Variants in GEM observed in about 807,000 individuals in gnomAD.
The protein encoded by GEM is GTP-binding protein GEM.
A neutral mutation model predicts 33.0 loss-of-function variants in GEM; 31 were observed. That is an observed-to-expected ratio of 0.94 (90% CI 0.71 to 1.27). The LOEUF (loss-of-function observed/expected upper bound fraction) is 1.27, where lower values mean the gene tolerates loss of function less well. GEM is among the 50% of genes most tolerant of loss of function. The probability of loss-of-function intolerance (pLI) is 0.00; values close to 1 mark genes in which losing one functional copy is unlikely to be tolerated. For synonymous variants in GEM, 141 were observed against 143.7 expected, an observed-to-expected ratio of 0.98 and a Z score of 0.13; for missense variants, 354 against 390.5, an observed-to-expected ratio of 0.91 and a Z score of 0.79.
At chr8:94,250,855 A>G (rs1808755236) in intron 4 of GEM, among the ~76,000 whole-genome samples, 2 of 152,256 alleles carry the variant, frequency 1.3e-5, no homozygotes, top group East Asian at 3.8e-4. Context: ...GATATTAGTT[A>G]TAACAGTAAA....
At chr8:94,259,483 TAGC>T (rs1808969837) in intron 2 of GEM, among the ~76,000 whole-genome samples, 1 of 152,164 alleles carries the variant, frequency 6.6e-6, no homozygotes, top group South Asian at 2.1e-4. Flanking sequence ...TCATATTACT[TAGC>T]AGAACATAGG....
At chr8:94,251,798 G>A (rs1215375098) in intron 4 of GEM, among the ~76,000 whole-genome samples, 1 of 152,166 alleles carries the variant, frequency 6.6e-6, no homozygotes, top group African/African-American at 2.4e-5. Flanking sequence ...AAAGCGGGAG[G>A]ATTAGTATCC....
chr8:94,255,160 G>C (rs1808860465), intron 2 of GEM, among the ~76,000 whole-genome samples: 1 of 152,076 alleles, frequency 6.6e-6, no homozygotes, highest in Non-Finnish European at 1.5e-5. Context: ...CAGGTACAGG[G>C]GACTCGCTTG....
chr8:94,254,902 T>C (rs1252237482), intron 2 of GEM, among the ~76,000 whole-genome samples: 2 of 152,230 alleles, frequency 1.3e-5, no homozygotes, highest in Non-Finnish European at 2.9e-5. Context: ...TCGCCCATCG[T>C]GTGCCTGCTC....
intron 2 of GEM, 67 bp from the exon 3 acceptor site, chr8:94,253,179 G>T: frequency 1.2e-6 from 1 of 831,448 alleles, no homozygotes; most frequent in Non-Finnish European, 2.1e-6. Context: ...AAGAGGGTCA[G>T]GTAGAAAATT....
Position 94,260,159 on chromosome 8 carries a change from G to A in GEM, c.331+14C>T, listed in dbSNP as rs775753253. On this transcript the variant is annotated intron_variant, in intron 2 of 4. Transcript: ENST00000297596. ...CCCTGGTGGAAAGAAGCCCACTGGG[G>A]CTGGGACACCTACCTCCCAGCACCT... The A allele has an allele frequency of 7.7e-6, 12 of 1,550,308 alleles. No homozygotes were observed. In the African/African-American group the frequency reaches 1.6e-4, roughly 21 times the overall value.
At position 94,260,188 on chromosome 8, in the gene GEM, A is replaced by G. The variant is rs764970254; in HGVS notation, c.316T>C (p.Cys106Arg). The G allele has an allele frequency of 5.3e-5, 84 of 1,588,984 alleles. No individual in the cohort carries two copies. The highest frequency in any genetic ancestry group is 7.2e-5 in the Non-Finnish European group (83 of 1,158,774). The change falls in exon 2 of 5, where the codon TGC (cysteine) becomes CGC (arginine). Residue 106 changes from cysteine to arginine, a missense_variant. Transcript: ENST00000297596. ...AGVHDSMDSD[C>R]EVLGEDTYER... ...GGACACCTACCTCCCAGCACCTCGC[A>G]GTCGCTGTCCATGCTGTCATGCACA...
chr8:94,253,071 C>T lies in GEM; in HGVS notation c.373G>A (p.Ala125Thr), dbSNP rs774736541. The T allele has an allele frequency of 8.6e-5, 138 of 1,600,640 alleles. No individual in the cohort carries two copies. Among genetic ancestry groups the T allele is most frequent in the Middle Eastern group, 3.3e-4 (2 of 6,060 alleles). ...ERTLMVDGES[A>T]TIILLDMWEN... ...CACATATCCAGGAGTATAATCGTTGCACTTTCCCCATCAACCATCAGGGTT... is the reference window on the plus strand; with the variant it reads ...CACATATCCAGGAGTATAATCGTTGTACTTTCCCCATCAACCATCAGGGTT... The change falls in exon 3 of 5, where the codon GCA becomes ACA. Residue 125 changes from alanine (A) to threonine (T), a missense_variant. Coordinates refer to ENST00000297596, the MANE Select transcript of GEM (RefSeq NM_005261.4).
intron 2 of GEM, among the ~76,000 whole-genome samples, chr8:94,255,878 G>A (rs1490890721): frequency 6.6e-6 from 1 of 152,132 alleles, no homozygotes; most frequent in East Asian, 1.9e-4. Flanking sequence ...TCTATAAGGG[G>A]TGATGGTGGT....
intron 2 of GEM, among the ~76,000 whole-genome samples, chr8:94,254,090 G>T (rs181887966): frequency 6.6e-6 from 1 of 152,064 alleles, no homozygotes; most frequent in Non-Finnish European, 1.5e-5. Flanking sequence ...TGGGGGAGGT[G>T]CTTCCTGGCC....
At position 94,260,388 on chromosome 8, in the gene GEM, T is replaced by C. The variant is rs781762421; in HGVS notation, c.116A>G (p.Gln39Arg). 2 of 1,614,070 alleles carry C rather than the reference T, an allele frequency of 1.2e-6. No individual in the cohort carries two copies. The highest frequency in any genetic ancestry group is 3.3e-5 in the Admixed American group (2 of 60,034). ...RHLMVQKEPH[Q>R]YSHRNRHSAT... ...AGAATGGCGGTTGCGGTGGCTGTAC[T>C]GGTGGGGCTCTTTCTGGACCATCAG... The change falls in exon 2 of 5, where the codon CAG (glutamine) becomes CGG (arginine). Residue 39 changes from glutamine to arginine, a missense_variant. Gln to Arg is a conservative substitution (Grantham distance 43, BLOSUM62 1). Coordinates refer to ENST00000297596, the MANE Select transcript of GEM (RefSeq NM_005261.4).
intron 2 of GEM, among the ~76,000 whole-genome samples, chr8:94,255,790 T>C (rs1808879694): frequency 6.6e-6 from 1 of 152,178 alleles, no homozygotes; most frequent in African/African-American, 2.4e-5. Flanking sequence ...ACTTCTCCAG[T>C]GCACTGGAAG....
At position 94,250,606 on chromosome 8, in the gene GEM, G is replaced by C. The variant is rs972957547; in HGVS notation, c.614-19C>G. On this transcript the variant is annotated intron_variant, in intron 4 of 4. Coordinates refer to ENST00000297596, the MANE Select transcript of GEM (RefSeq NM_005261.4). The stretch of plus-strand genomic sequence containing the variant: ...CTCCCTTCTGGGAAGGAAAGAAAGA[G>C]GTCAGAGGGACTGCAGAGCACAGTC... 2 of 1,603,900 alleles carry C rather than the reference G, an allele frequency of 1.2e-6. No individual in the cohort carries two copies.
At chr8:94,260,044 T>G in intron 2 of GEM, 129 bp downstream of exon 2, 2 of 620,480 alleles carry the variant, frequency 3.2e-6, no homozygotes, top group Non-Finnish European at 5.7e-6. Context: ...GAGACTCAGC[T>G]CCCCCATCAA....
chr8:94,252,561 C>T (rs73695155), intron 3 of GEM, among the ~76,000 whole-genome samples: 4,045 of 152,194 alleles, frequency 0.027, 164 homozygotes, highest in African/African-American at 0.092. Flanking sequence ...TTCTGACTTC[C>T]CAAAAACTCC....
Position 94,252,106 on chromosome 8 carries a change from G to A in GEM, c.526C>T (p.Arg176Cys), listed in dbSNP as rs777120814. The change falls in exon 4 of 5, where the codon CGC becomes TGC. Residue 176 changes from arginine (R) to cysteine (C), a missense_variant. Physicochemically the swap from Arg to Cys is radical, Grantham distance 180. Transcript: ENST00000297596. ...EKASELRIQL[R>C]RARQTEDIPI... ...ATGTCCTCTGTCTGCCGGGCCCTGCGGAGCTGGATTCGCAGCTCAGATGCC... is the reference window on the plus strand; with the variant it reads ...ATGTCCTCTGTCTGCCGGGCCCTGCAGAGCTGGATTCGCAGCTCAGATGCC... 26 of 1,613,860 alleles carry A rather than the reference G, an allele frequency of 1.6e-5. No individual in the cohort carries two copies. The highest frequency in any genetic ancestry group is 3.3e-5 in the South Asian group (3 of 91,080).
At chr8:94,259,339 T>G (rs1007216343) in intron 2 of GEM, among the ~76,000 whole-genome samples, 4 of 152,200 alleles carry the variant, frequency 2.6e-5, no homozygotes, top group African/African-American at 7.2e-5. Context: ...CCATGTGACT[T>G]GGGGAAACAC....
At chr8:94,253,734 A>C (rs977927984) in intron 2 of GEM, among the ~76,000 whole-genome samples, 53 of 152,316 alleles carry the variant, frequency 3.5e-4, no homozygotes, top group Non-Finnish European at 5.0e-4. Flanking sequence ...TGCAGCCTCC[A>C]GCTCTACTTG....
rs1356399304 is a variant in GEM at position 94,252,021 on chromosome 8, G to A, written c.611C>T (p.Ser204Leu). 2 of 1,609,602 alleles carry A rather than the reference G, an allele frequency of 1.2e-6. No individual in the cohort carries two copies. Among genetic ancestry groups the A allele is most frequent in the East Asian group, 2.2e-5 (1 of 44,864 alleles). Residue 204 changes from serine to leucine, a missense_variant and splice_region_variant, in exon 4 of 5, where the codon TCA becomes TTA. Ser to Leu is a moderately radical substitution (Grantham distance 145, BLOSUM62 -2). Transcript: ENST00000297596. ...AGTATTGGCTCTGCTCCTCTTACCTGATACAGACACTTCTCGGCACCGCAC... is the reference window on the plus strand; with the variant it reads ...AGTATTGGCTCTGCTCCTCTTACCTAATACAGACACTTCTCGGCACCGCAC... ...DLVRCREVSV[S>L]EGRACAVVFD...
Sources: gnomAD v4.1 joint callset for allele counts (sites outside exome capture counted in the v4.1 genomes callset) on GRCh38, gnomAD v4.1.1 for gene constraint, MANE v1.5 for transcripts, NCBI Gene and HGNC (gene_info 2026-07-23, HGNC 2026-07-21) for gene names.